ARHGAP15: variants seen among roughly 807,000 people sequenced by gnomAD.
ARHGAP15 encodes the protein Rho GTPase activating protein 15.
In ARHGAP15, 51 loss-of-function variants were observed where a neutral mutation model predicts 63.7. That is an observed-to-expected ratio of 0.80 (90% confidence interval 0.64 to 1.01). ARHGAP15 has a LOEUF of 1.01. ARHGAP15 is among the 50% of genes least tolerant of loss of function. The pLI is 0.00. For synonymous variants in ARHGAP15, 191 were observed against 193.8 expected (o/e 0.99, Z 0.12); for missense variants, 560 against 564.6 (o/e 0.99, Z 0.08).
rs1030688969 is a variant in ARHGAP15 at position 143,374,904 on chromosome 2, T to A, written c.475-60697T>A. On this transcript the variant is annotated intron_variant, in intron 6 of 13. Coordinates refer to ENST00000295095, the MANE Select transcript of ARHGAP15 (RefSeq NM_018460.4). ...CCCATTTTATAATCTCAGAATTTAA[T>A]GCTGTTAATACATGTGTGCCAAAAT... is the stretch of plus-strand genomic sequence containing the variant. 5.3e-5 allele frequency among the ~76,000 whole-genome samples: 8 copies of A among 152,192 alleles called. No homozygotes were observed. The East Asian group carries it at 1.5e-3, about 29-fold the overall frequency.
chr2:143,498,276 C>T (rs773209961), intron 9 of ARHGAP15, among the ~76,000 whole-genome samples: 1 of 152,074 alleles, frequency 6.6e-6, no homozygotes, highest in Non-Finnish European at 1.5e-5. Context: ...TTAACTGGGC[C>T]TCTGTAAAAC....
At chr2:143,537,361 G>T (rs1344729375) in intron 10 of ARHGAP15, among the ~76,000 whole-genome samples, 2 of 152,058 alleles carry the variant, frequency 1.3e-5, no homozygotes, top group Non-Finnish European at 2.9e-5. Context: ...TTCTTTTGCT[G>T]TGCGGAAGCT....
chr2:143,408,916 T>G (rs1188738395), intron 6 of ARHGAP15, among the ~76,000 whole-genome samples: 1 of 151,936 alleles, frequency 6.6e-6, no homozygotes, highest in African/African-American at 2.4e-5. Flanking sequence ...TTGAGATTTT[T>G]TGTTCATTTG....
At chr2:143,425,465 A>C (rs1379636910) in intron 6 of ARHGAP15, among the ~76,000 whole-genome samples, 2 of 151,998 alleles carry the variant, frequency 1.3e-5, no homozygotes, top group Non-Finnish European at 2.9e-5. Flanking sequence ...TATATGTGAT[A>C]TACCTATATA....
chr2:143,538,173 C>T (rs1419842153), intron 10 of ARHGAP15, among the ~76,000 whole-genome samples: 3 of 152,058 alleles, frequency 2.0e-5, no homozygotes, highest in Middle Eastern at 3.2e-3. Context: ...TGATTTGGCT[C>T]TCTGTTTGTC....
chr2:143,647,617 G>A (rs1353904016), intron 12 of ARHGAP15, among the ~76,000 whole-genome samples: 2 of 151,958 alleles, frequency 1.3e-5, no homozygotes, highest in African/African-American at 2.4e-5. Flanking sequence ...CATCCAAGCA[G>A]TAATTGTAAG....
intron 12 of ARHGAP15, among the ~76,000 whole-genome samples, chr2:143,650,070 G>A (rs750862927): frequency 4.6e-5 from 7 of 151,244 alleles, no homozygotes; most frequent in South Asian, 2.1e-4. Flanking sequence ...TTTAAATTCC[G>A]TCAGTAAACT....
chr2:143,491,171 A>G (rs981245967), intron 9 of ARHGAP15, among the ~76,000 whole-genome samples: 2 of 152,214 alleles, frequency 1.3e-5, no homozygotes, highest in Admixed American at 1.3e-4. Flanking sequence ...TGAGCATCTC[A>G]TTGGGAACAA....
chr2:143,713,710 G>A (rs72859668), intron 13 of ARHGAP15, among the ~76,000 whole-genome samples: 2,546 of 152,220 alleles, frequency 0.017, 52 homozygotes, highest in Non-Finnish European at 0.023. Context: ...GGAGAAATCA[G>A]CCAAAACAAA....
intron 3 of ARHGAP15, among the ~76,000 whole-genome samples, chr2:143,208,845 A>T (rs1406241748): frequency 6.6e-6 from 1 of 152,110 alleles, no homozygotes; most frequent in Non-Finnish European, 1.5e-5. Context: ...TTATCAACAG[A>T]GTGTAAGACA....
At chr2:143,364,719 T>G (rs1686219874) in intron 6 of ARHGAP15, among the ~76,000 whole-genome samples, 1 of 152,016 alleles carries the variant, frequency 6.6e-6, no homozygotes, top group Non-Finnish European at 1.5e-5. Flanking sequence ...TCTCACAGAG[T>G]ACATGTACTA....
At chr2:143,755,971 A>G (rs933717999) in intron 13 of ARHGAP15, among the ~76,000 whole-genome samples, 1 of 152,118 alleles carries the variant, frequency 6.6e-6, no homozygotes, top group African/African-American at 2.4e-5. Flanking sequence ...ATCTCAAAAA[A>G]AAAAACTCTA....
At chr2:143,393,491 T>C (rs183669021) in intron 6 of ARHGAP15, among the ~76,000 whole-genome samples, 4 of 152,104 alleles carry the variant, frequency 2.6e-5, no homozygotes, top group Admixed American at 2.6e-4. Context: ...CCCACCACTT[T>C]GGGAGGCGAA....
At chr2:143,711,898 C>G (rs984295149) in intron 13 of ARHGAP15, among the ~76,000 whole-genome samples, 2 of 152,120 alleles carry the variant, frequency 1.3e-5, no homozygotes, top group African/African-American at 4.8e-5. Context: ...CCAATGCACT[C>G]TAGGCAACAA....
At chr2:143,360,506 A>AC (rs1353273866) in intron 6 of ARHGAP15, among the ~76,000 whole-genome samples, 1 of 152,086 alleles carries the variant, frequency 6.6e-6, no homozygotes, top group Admixed American at 6.5e-5. Context: ...ATTTTAGCAA[A>AC]AAAAAAAATG....
intron 8 of ARHGAP15, among the ~76,000 whole-genome samples, chr2:143,466,705 G>A (rs779379380): frequency 2.0e-5 from 3 of 151,984 alleles, no homozygotes; most frequent in East Asian, 1.9e-4. Context: ...TGAGGGGCTC[G>A]TCTATCCTCA....
At chr2:143,416,820 CACCCCCCCACCCCCA>C (rs1688703463) in intron 6 of ARHGAP15, among the ~76,000 whole-genome samples, 1 of 50,264 alleles carries the variant, frequency 2.0e-5, no homozygotes, top group African/African-American at 7.0e-5. Flanking sequence ...CTTCCCCCAC[CACCCCCCCACCCCCA>C]CGCCCCCACG....
At chr2:143,158,450 A>C (rs918499169) in intron 2 of ARHGAP15, among the ~76,000 whole-genome samples, 8 of 151,980 alleles carry the variant, frequency 5.3e-5, no homozygotes, top group African/African-American at 1.9e-4. Flanking sequence ...AAAGCATCTC[A>C]GTAAAACAGA....
intron 3 of ARHGAP15, among the ~76,000 whole-genome samples, chr2:143,204,797 C>T (rs770356707): frequency 1.4e-4 from 22 of 152,118 alleles, no homozygotes; most frequent in South Asian, 4.2e-4. Flanking sequence ...TTCCTCTGCC[C>T]GGCCATCCCA....
Sources: gnomAD v4.1 joint callset for allele counts (sites outside exome capture counted in the v4.1 genomes callset) on GRCh38, gnomAD v4.1.1 for gene constraint, MANE v1.5 for transcripts, NCBI Gene and HGNC (gene_info 2026-07-23, HGNC 2026-07-21) for gene names.